The following KIAA0825 variants were observed in gnomAD, a reference collection of about 807,000 sequenced individuals.
The protein encoded by KIAA0825 is KIAA0825, also known as uncharacterized protein KIAA0825.
A neutral mutation model predicts 147.6 loss-of-function variants in KIAA0825; 119 were observed. The ratio of observed to expected loss-of-function variants is 0.81; its 90% CI spans 0.69 to 0.94. KIAA0825 has a LOEUF of 0.94. Ranked by LOEUF, KIAA0825 falls within the 40% of genes least tolerant of loss-of-function variation. KIAA0825 has a pLI of 0.00. For missense variants in KIAA0825, 1,381 were observed against 1,472.7 expected (o/e 0.94, Z 1.02); for synonymous variants, 470 against 518.1 (o/e 0.91, Z 1.26).
At chr5:94,459,360 G>A (rs909954456) in intron 12 of KIAA0825, among the ~76,000 whole-genome samples, 1 of 152,066 alleles carries the variant, frequency 6.6e-6, no homozygotes, top group Non-Finnish European at 1.5e-5. Flanking sequence ...TGGGCCATAT[G>A]ACCATATGCT....
At chr5:94,237,400 A>G (rs1385789813) in intron 20 of KIAA0825, among the ~76,000 whole-genome samples, 1 of 152,158 alleles carries the variant, frequency 6.6e-6, no homozygotes, top group Non-Finnish European at 1.5e-5. Context: ...CAAAGCAGGC[A>G]AAGGGGGAAC....
At chr5:94,529,244 A>ATATGTATGTATCATATATATGTATATAT (rs1561267886) in intron 3 of KIAA0825, among the ~76,000 whole-genome samples, 2 of 123,252 alleles carry the variant, frequency 1.6e-5, no homozygotes, top group African/African-American at 3.7e-5. Context: ...ATGTATATAT[A>ATATGTATGTATCATATATATGTATATAT]CATATATATG....
intron 4 of KIAA0825, 56 bp from the exon 5 acceptor site, chr5:94,520,973 T>G: frequency 7.6e-7 from 1 of 1,314,542 alleles, no homozygotes; most frequent in Non-Finnish European, 1.0e-6. Context: ...AAATGATTTC[T>G]ATAGTCATAT....
chr5:94,415,360 T>C (rs1753309844), intron 15 of KIAA0825: 1 of 152,190 alleles, frequency 6.6e-6, no homozygotes, highest in Admixed American at 6.5e-5. Context: ...GGATTATGAT[T>C]ACATGTCTCA....
chr5:94,151,443 A>AC lies in KIAA0825; in HGVS notation c.*2563_*2564insG, dbSNP rs929348611. 1.3e-5 allele frequency among the ~76,000 whole-genome samples: 2 copies of AC among 151,224 alleles called. No homozygotes were observed. The highest frequency in any genetic ancestry group is 4.8e-5 in the African/African-American group (2 of 41,316). ...CGTCTCAAAAAAAAAAAAAAAAAAA[A>AC]AAAAAAAACATATTGAGTATAAAGT... On this transcript the variant is annotated 3_prime_UTR_variant, in exon 21 of 21. Coordinates refer to ENST00000682413, the MANE Select transcript of KIAA0825 (RefSeq NM_001145678.3).
At chr5:94,449,849 T>C (rs1271197042) in intron 13 of KIAA0825, among the ~76,000 whole-genome samples, 1 of 151,906 alleles carries the variant, frequency 6.6e-6, no homozygotes, top group Non-Finnish European at 1.5e-5. Flanking sequence ...GAGGCCAAGG[T>C]GGGTGGATCA....
At chr5:94,203,376 C>T (rs1562310955) in intron 20 of KIAA0825, among the ~76,000 whole-genome samples, 2 of 152,108 alleles carry the variant, frequency 1.3e-5, no homozygotes, top group Non-Finnish European at 2.9e-5. Context: ...GTCATTTTAC[C>T]TTGGAGGACA....
chr5:94,171,283 C>T (rs886958350), intron 20 of KIAA0825, among the ~76,000 whole-genome samples: 8 of 152,092 alleles, frequency 5.3e-5, no homozygotes, highest in African/African-American at 7.2e-5. Flanking sequence ...TTTTGCCTGC[C>T]GCCATCCTTG....
At chr5:94,593,694 T>C (rs1395713524) in intron 1 of KIAA0825, 2 of 392,266 alleles carry the variant, frequency 5.1e-6, no homozygotes, top group Non-Finnish European at 9.9e-6. Context: ...AAAGAGTTGC[T>C]TCAGTTCTGC....
intron 3 of KIAA0825, among the ~76,000 whole-genome samples, chr5:94,531,974 G>C (rs1486160550): frequency 6.6e-6 from 1 of 151,988 alleles, no homozygotes; most frequent in Non-Finnish European, 1.5e-5. Context: ...CATATAAACA[G>C]CCATCATACG....
chr5:94,616,286 G>A (rs969286298), intron 1 of KIAA0825, among the ~76,000 whole-genome samples: 2 of 152,118 alleles, frequency 1.3e-5, no homozygotes, highest in Non-Finnish European at 2.9e-5. Context: ...GTCATTTCTA[G>A]TATTGGTCAT....
intron 18 of KIAA0825, among the ~76,000 whole-genome samples, chr5:94,386,970 C>T (rs1749234577): frequency 6.6e-6 from 1 of 151,980 alleles, no homozygotes; most frequent in Non-Finnish European, 1.5e-5. Flanking sequence ...CATTATAATC[C>T]CCCAACTGCC....
At chr5:94,606,507 A>G (rs888352291) in intron 1 of KIAA0825, among the ~76,000 whole-genome samples, 3 of 152,210 alleles carry the variant, frequency 2.0e-5, no homozygotes, top group African/African-American at 7.2e-5. Context: ...TTCAAACTAC[A>G]CTACAAGGCA....
At chr5:94,293,803 G>C (rs1335275496) in intron 20 of KIAA0825, among the ~76,000 whole-genome samples, 1 of 152,086 alleles carries the variant, frequency 6.6e-6, no homozygotes, top group East Asian at 1.9e-4. Flanking sequence ...TCATGTATTG[G>C]GTGCATATAA....
chr5:94,420,071 G>A (rs1753974418), intron 14 of KIAA0825, among the ~76,000 whole-genome samples: 1 of 152,054 alleles, frequency 6.6e-6, no homozygotes, highest in Non-Finnish European at 1.5e-5. Flanking sequence ...CAAGATCAAG[G>A]TGGGGGGTAC....
At chr5:94,479,316 T>A (rs1019592878) in intron 6 of KIAA0825, among the ~76,000 whole-genome samples, 2 of 152,174 alleles carry the variant, frequency 1.3e-5, no homozygotes, top group African/African-American at 2.4e-5. Flanking sequence ...GTTTTGCCTT[T>A]TTCATAATGT....
chr5:94,205,681 C>T (rs1772130862), intron 20 of KIAA0825, among the ~76,000 whole-genome samples: 1 of 152,044 alleles, frequency 6.6e-6, no homozygotes, highest in Non-Finnish European at 1.5e-5. Context: ...AAGCTCTTAC[C>T]TGCTTGAGAA....
intron 20 of KIAA0825, among the ~76,000 whole-genome samples, chr5:94,283,807 G>A (rs907015299): frequency 2.6e-5 from 4 of 152,034 alleles, no homozygotes; most frequent in African/African-American, 7.2e-5. Context: ...TCTTTTTGAT[G>A]TCTAAGCACT....
intron 20 of KIAA0825, among the ~76,000 whole-genome samples, chr5:94,185,827 A>G (rs1770068463): frequency 6.6e-6 from 1 of 152,222 alleles, no homozygotes; most frequent in South Asian, 2.1e-4. Context: ...CAGTTGTATC[A>G]TTTACTAGCA....
Sources: allele counts gnomAD v4.1 joint callset (sites outside exome capture counted in the v4.1 genomes callset), GRCh38; gene constraint gnomAD v4.1.1; transcripts MANE v1.5; gene names NCBI Gene and HGNC (gene_info 2026-07-23, HGNC 2026-07-21).